Variants in CHP1 observed in about 807,000 individuals in gnomAD.
CHP1 encodes calcineurin like EF-hand protein 1, also known as calcineurin B homologous protein 1.
Under a neutral mutation model 27.4 loss-of-function variants are expected in CHP1, and 11 were observed. The observed-to-expected ratio is 0.40, with a 90% CI of 0.25 to 0.67. The LOEUF (loss-of-function observed/expected upper bound fraction) is 0.67, where lower values mean the gene tolerates loss of function less well. CHP1 is among the 30% of genes least tolerant of loss of function. CHP1 has a pLI of 0.38. For synonymous variants in CHP1, 89 were observed against 87.4 expected (o/e 1.02, Z -0.10); for missense variants, 169 against 251.3 (o/e 0.67, Z 2.22).
intron 5 of CHP1, among the ~76,000 whole-genome samples, chr15:41,274,951 C>G (rs926217977): frequency 6.6e-6 from 1 of 151,598 alleles, no homozygotes; most frequent in Non-Finnish European, 1.5e-5. Context: ...CTACCATGCC[C>G]GGCTAATTTT....
intron 2 of CHP1, among the ~76,000 whole-genome samples, chr15:41,251,665 C>T (rs2047367460): frequency 6.6e-6 from 1 of 152,128 alleles, no homozygotes; most frequent in Non-Finnish European, 1.5e-5. Context: ...ACTGAGTGCT[C>T]CTTATGAGAA....
At chr15:41,267,644 A>G (rs2047468006) in intron 4 of CHP1, among the ~76,000 whole-genome samples, 1 of 151,798 alleles carries the variant, frequency 6.6e-6, no homozygotes, top group African/African-American at 2.4e-5. Context: ...CCTGGGTGAC[A>G]GAGCAAGACT....
chr15:41,279,685 A>G lies in CHP1; in HGVS notation c.*296A>G. ...GCCACACATCCATCCAGTCTGAGAA[A>G]GTGAGAGAGGCAATCATGCCAAGAA... On this transcript the variant is annotated 3_prime_UTR_variant, in exon 7 of 7. Transcript: ENST00000334660. 3.0e-6 allele frequency: 1 copy of G among 327,936 alleles called. No homozygotes were observed. Among genetic ancestry groups the G allele is most frequent in the Non-Finnish European group, 5.6e-6 (1 of 178,562 alleles). 20.3% of individuals were successfully genotyped at this position (327,936 alleles called of 1,614,324 possible).
In CHP1 at chr15:41,267,163, T is replaced by G. The variant is rs528806152; in HGVS notation, c.350-3394T>G. ...GTAGAGACAGAAAGTAGAACGGTGG[T>G]TGCCCAGGGCTGGGGGATGGTGGTG... On this transcript the variant is annotated intron_variant, in intron 4 of 6. Transcript: ENST00000334660. 1.3e-5 allele frequency among the ~76,000 whole-genome samples: 2 copies of G among 152,220 alleles called. 1 individual carries two copies. The highest frequency in any genetic ancestry group is 1.3e-4 in the Admixed American group (2 of 15,270).
At chr15:41,256,227 C>T (rs1342847710) in intron 2 of CHP1, among the ~76,000 whole-genome samples, 1 of 152,042 alleles carries the variant, frequency 6.6e-6, no homozygotes. Context: ...TGTATGTAAA[C>T]AGAGCAGCAC....
chr15:41,269,027 A>G (rs2047475739), intron 4 of CHP1, among the ~76,000 whole-genome samples: 1 of 152,072 alleles, frequency 6.6e-6, no homozygotes, highest in South Asian at 2.1e-4. Context: ...TGGGCAACAC[A>G]GTGAGACCCT....
intron 5 of CHP1, among the ~76,000 whole-genome samples, chr15:41,278,480 A>AT (rs971762681): frequency 1.3e-4 from 19 of 149,982 alleles, no homozygotes; most frequent in African/African-American, 4.7e-4. Context: ...CCCAGTAGTT[A>AT]TTTTTTCTGT....
intron 1 of CHP1, among the ~76,000 whole-genome samples, chr15:41,232,539 C>T (rs1365821990): frequency 6.6e-6 from 1 of 151,826 alleles, no homozygotes; most frequent in Non-Finnish European, 1.5e-5. Flanking sequence ...ATAGTCCAGT[C>T]TCTTCCTCAT....
chr15:41,275,888 T>C (rs1161584135), intron 5 of CHP1, among the ~76,000 whole-genome samples: 1 of 152,146 alleles, frequency 6.6e-6, no homozygotes, highest in Non-Finnish European at 1.5e-5. Flanking sequence ...GCTAATTTTG[T>C]ATTTTTAGTA....
At position 41,267,616 on chromosome 15, in the gene CHP1, C is replaced by A. The variant is rs111639293; in HGVS notation, c.350-2941C>A. On this transcript the variant is annotated intron_variant, in intron 4 of 6. Transcript: ENST00000334660. ...GGCAGAGGTTTCAGTGACCTGAGAT[C>A]GCGCCACTGCACTCCAGCCTGGGTG... Among the ~76,000 whole-genome samples the A allele has an allele frequency of 2.0e-3, 304 of 150,490 alleles. 1 individual carries two copies. Among genetic ancestry groups the A allele is most frequent in the South Asian group, 4.6e-3 (22 of 4,750 alleles).
chr15:41,249,498 A>T (rs1400341685), intron 2 of CHP1, among the ~76,000 whole-genome samples: 2 of 97,576 alleles, frequency 2.0e-5, no homozygotes, highest in Non-Finnish European at 3.7e-5. Context: ...TTTGAGATGG[A>T]GTCTCGCTCT....
intron 1 of CHP1, among the ~76,000 whole-genome samples, chr15:41,239,434 C>T (rs2047294952): frequency 6.6e-6 from 1 of 151,810 alleles, no homozygotes; most frequent in Non-Finnish European, 1.5e-5. Context: ...GGCGGAGTCT[C>T]ACTCTGTCGC....
At chr15:41,266,268 A>G (rs2047459905) in intron 4 of CHP1, among the ~76,000 whole-genome samples, 1 of 152,108 alleles carries the variant, frequency 6.6e-6, no homozygotes, top group African/African-American at 2.4e-5. Context: ...GGGCAATAAG[A>G]GTGAAACTCC....
intron 3 of CHP1, among the ~76,000 whole-genome samples, chr15:41,257,395 G>A (rs1464178235): frequency 6.6e-6 from 1 of 151,740 alleles, no homozygotes; most frequent in Non-Finnish European, 1.5e-5. Context: ...CTTAGTAGTA[G>A]CCAATAAAAA....
chr15:41,239,063 C>T (rs1048573816), intron 1 of CHP1, among the ~76,000 whole-genome samples: 1 of 152,118 alleles, frequency 6.6e-6, no homozygotes, highest in Non-Finnish European at 1.5e-5. Context: ...TGGTGTAGCT[C>T]CTTTATAGGT....
At chr15:41,269,422 T>A (rs1770812674) in intron 4 of CHP1, among the ~76,000 whole-genome samples, 3 of 152,198 alleles carry the variant, frequency 2.0e-5, no homozygotes, top group Non-Finnish European at 4.4e-5. Flanking sequence ...TAGATATTAA[T>A]CCATGTTCTT....
intron 2 of CHP1, among the ~76,000 whole-genome samples, chr15:41,255,193 C>T (rs1284710853): frequency 1.3e-5 from 2 of 151,974 alleles, no homozygotes; most frequent in African/African-American, 4.8e-5. Context: ...TTTTCCTAGT[C>T]CGGGATCATG....
At chr15:41,249,462 CTTTTTTTTTTTTTTTTTTT>C (rs1163537727) in intron 2 of CHP1, among the ~76,000 whole-genome samples, 1 of 78,480 alleles carries the variant, frequency 1.3e-5, no homozygotes, top group Non-Finnish European at 2.3e-5. Flanking sequence ...CCTTCACCTT[CTTTTTTTTTTTTTTTTTTT>C]TTTTTTTTTG....
intron 1 of CHP1, among the ~76,000 whole-genome samples, chr15:41,237,544 A>G (rs117588488): frequency 1.5e-4 from 23 of 152,312 alleles, no homozygotes; most frequent in Non-Finnish European, 3.4e-4. Flanking sequence ...TCCCTAAGAG[A>G]CTAGTCCAGG....
Sources: allele counts gnomAD v4.1 joint callset (sites outside exome capture counted in the v4.1 genomes callset), GRCh38; gene constraint gnomAD v4.1.1; transcripts MANE v1.5; gene names NCBI Gene and HGNC (gene_info 2026-07-23, HGNC 2026-07-21).